TTC7B: variants seen among roughly 807,000 people sequenced by gnomAD.
TTC7B encodes tetratricopeptide repeat domain 7B.
TTC7B carries 28 observed loss-of-function variants against 106.8 expected under a neutral mutation model. That is an observed-to-expected ratio of 0.26 (90% CI 0.19 to 0.36). The LOEUF (loss-of-function observed/expected upper bound fraction) is 0.36, where lower values mean the gene tolerates loss of function less well. Among genes scored for constraint, TTC7B ranks in the 10% least tolerant of loss-of-function variants. The pLI is 1.00. For synonymous variants in TTC7B, 405 were observed against 430.6 expected, an observed-to-expected ratio of 0.94 and a Z score of 0.74; for missense variants, 862 against 1,076.4, an observed-to-expected ratio of 0.80 and a Z score of 2.79.
intron 15 of TTC7B, among the ~76,000 whole-genome samples, chr14:90,639,210 A>G (rs1373157720): frequency 6.6e-6 from 1 of 152,244 alleles, no homozygotes; most frequent in Non-Finnish European, 1.5e-5. Context: ...ACTTTCTATT[A>G]CTTTAAAATT....
rs953814674 is a variant in TTC7B at position 90,527,791 on chromosome 14, C to T, written c.*13577G>A. 2.0e-5 allele frequency: 3 copies of T among 151,810 alleles called. No homozygotes were observed. Among genetic ancestry groups the T allele is most frequent in the Non-Finnish European group, 2.9e-5 (2 of 67,972 alleles). 9.4% of individuals were successfully genotyped at this position (151,810 alleles called of 1,614,324 possible). ...AGCCAGGATGGTCTTGATCTCCTGA[C>T]CTCATGATCCACCCACCTCAGCCTC... On this transcript the variant is annotated 3_prime_UTR_variant, in exon 20 of 20. Transcript: ENST00000328459.
intron 19 of TTC7B, among the ~76,000 whole-genome samples, chr14:90,550,281 C>T (rs1698606996): frequency 5.9e-5 from 9 of 152,164 alleles, no homozygotes. Context: ...GTCTTCCTGC[C>T]CCTGCCTCAT....
chr14:90,651,500 G>A (rs997281817), intron 13 of TTC7B, among the ~76,000 whole-genome samples: 1 of 152,252 alleles, frequency 6.6e-6, no homozygotes, highest in Admixed American at 6.5e-5. Flanking sequence ...TAGAGAGCCA[G>A]TAAGATGTGC....
chr14:90,660,754 T>G (rs748379635), intron 9 of TTC7B, among the ~76,000 whole-genome samples: 4 of 152,202 alleles, frequency 2.6e-5, no homozygotes, highest in Admixed American at 2.6e-4. Context: ...TTTTAAATGA[T>G]ATATACAGAG....
chr14:90,780,763 C>T lies in TTC7B; in HGVS notation c.420G>A (p.Val140=). The change falls in exon 3 of 20, where the codon GTG becomes GTA. Residue 140 remains valine, a synonymous_variant. Coordinates refer to ENST00000328459, the MANE Select transcript of TTC7B (RefSeq NM_001010854.2). The part of the protein sequence containing the change: ...LTAVPPYRLR[V]IAEAYATKGL... ...CTTTGGTAGCGTAGGCTTCTGCGAT[C>T]ACCCGCAGCCTGTAGGGCGGGACAG... is the stretch of plus-strand genomic sequence containing the variant. The T allele has an allele frequency of 6.2e-7, 1 of 1,614,216 alleles. No homozygotes were observed. Among genetic ancestry groups the T allele is most frequent in the South Asian group, 1.1e-5 (1 of 91,080 alleles).
chr14:90,720,103 A>T (rs1054515790), intron 5 of TTC7B, among the ~76,000 whole-genome samples: 1 of 151,530 alleles, frequency 6.6e-6, no homozygotes, highest in African/African-American at 2.4e-5. Flanking sequence ...TCTTCTTCCA[A>T]TGTGGCCCAG....
At chr14:90,734,018 T>C (rs1889424828) in intron 4 of TTC7B, among the ~76,000 whole-genome samples, 1 of 152,244 alleles carries the variant, frequency 6.6e-6, no homozygotes, top group African/African-American at 2.4e-5. Flanking sequence ...GGAGCTATAT[T>C]AAAGAGTTAC....
chr14:90,594,432 G>T (rs1413273912), intron 17 of TTC7B, among the ~76,000 whole-genome samples: 1 of 152,146 alleles, frequency 6.6e-6, no homozygotes, highest in Non-Finnish European at 1.5e-5. Flanking sequence ...CCTCTCGGAG[G>T]ATCGGAGACC....
chr14:90,634,163 C>T (rs1291129055), intron 15 of TTC7B, among the ~76,000 whole-genome samples: 1 of 152,172 alleles, frequency 6.6e-6, no homozygotes, highest in Non-Finnish European at 1.5e-5. Flanking sequence ...AGGCATGAGC[C>T]ACCGCGCCTG....
At chr14:90,750,660 G>A (rs1890107916) in intron 3 of TTC7B, among the ~76,000 whole-genome samples, 1 of 152,194 alleles carries the variant, frequency 6.6e-6, no homozygotes, top group Non-Finnish European at 1.5e-5. Flanking sequence ...CAGGTATGTG[G>A]ACACTCAAAG....
rs1417086189 is a variant in TTC7B, at chr14:90,528,220, C to A, written c.*13148G>T. ...TGGCTAAACAGCAGCACCAGCTCCT[C>A]CTTCTGTCCAGCCGGACAGAGAGCC... On this transcript the variant is annotated 3_prime_UTR_variant, in exon 20 of 20. Coordinates refer to ENST00000328459, the MANE Select transcript of TTC7B (RefSeq NM_001010854.2). 6.6e-6 allele frequency: 1 copy of A among 152,204 alleles called. No individual in the cohort carries two copies. Among genetic ancestry groups the A allele is most frequent in the Non-Finnish European group, 1.5e-5 (1 of 68,062 alleles). The allele number at this position is 152,204 out of a possible 1,614,324, so 9.4% of individuals were successfully genotyped here.
chr14:90,631,469 C>T (rs1178287936), intron 15 of TTC7B, among the ~76,000 whole-genome samples: 1 of 150,060 alleles, frequency 6.7e-6, no homozygotes, highest in Non-Finnish European at 1.5e-5. Context: ...AGTACAGTGG[C>T]ATGGTCTCAA....
chr14:90,603,323 C>T (rs764627833), intron 17 of TTC7B: 5 of 1,281,976 alleles, frequency 3.9e-6, no homozygotes, highest in South Asian at 3.8e-5. Flanking sequence ...ACAGATCAAA[C>T]CAAAAATTAA....
At position 90,635,716 on chromosome 14, in the gene TTC7B, C is replaced by T. The variant is rs185822930; in HGVS notation, c.1751+8332G>A. Among the ~76,000 whole-genome samples the T allele has an allele frequency of 5.3e-3, 762 of 142,940 alleles. 3 individuals carry two copies. The highest frequency in any genetic ancestry group is 7.9e-3 in the African/African-American group (302 of 38,342). The allele number at this position is 142,940 out of a possible 152,430, so 93.8% of individuals were successfully genotyped here. A position where few individuals can be genotyped will look rare whatever the true frequency, so the allele number is the denominator to read the frequency against. The stretch of plus-strand genomic sequence containing the variant: ...CAGAGCTTTCAGTGAGCCGAGATTG[C>T]GCCACTGCACTCCAGCCTGGGCGAC... On this transcript the variant is annotated intron_variant, in intron 15 of 19. Coordinates refer to ENST00000328459, the MANE Select transcript of TTC7B (RefSeq NM_001010854.2).
intron 8 of TTC7B, among the ~76,000 whole-genome samples, chr14:90,677,578 G>C (rs1429186477): frequency 6.6e-6 from 1 of 152,136 alleles, no homozygotes; most frequent in Non-Finnish European, 1.5e-5. Flanking sequence ...TTTTCCCTCT[G>C]CTAATTAACA....
intron 12 of TTC7B, among the ~76,000 whole-genome samples, chr14:90,653,479 T>C (rs1398894577): frequency 6.6e-6 from 1 of 152,162 alleles, no homozygotes; most frequent in Non-Finnish European, 1.5e-5. Context: ...ACACTGATCA[T>C]GGAAAATGAG....
Position 90,816,180 on chromosome 14 carries a change from G to T in TTC7B, c.116C>A (p.Ala39Asp). The T allele has an allele frequency of 8.0e-7, 1 of 1,248,384 alleles. No homozygotes were observed. The allele number at this position is 1,248,384 out of a possible 1,614,324, so 77.3% of individuals were successfully genotyped here. The part of the protein sequence containing the change: ...LVKQLSAKLI[A>D]NDDMAELLLG... ...CCGGCGCGCCCGGAGCGTACCGTTG[G>T]CGATGAGCTTGGCCGACAGCTGCTT... Residue 39 changes from alanine to aspartate, a missense_variant, in exon 1 of 20, where the codon GCC (alanine) becomes GAC (aspartate). Transcript: ENST00000328459.
intron 1 of TTC7B, 118 bp downstream of exon 1, chr14:90,816,057 T>G: frequency 1.0e-6 from 1 of 967,304 alleles, no homozygotes. Flanking sequence ...GGGCCGCAGC[T>G]CCCTCGCGGC....
chr14:90,787,979 G>A (rs887188234), intron 1 of TTC7B, among the ~76,000 whole-genome samples: 3 of 152,102 alleles, frequency 2.0e-5, no homozygotes, highest in African/African-American at 7.2e-5. Context: ...CCTGGCCAAT[G>A]TGGTGAAACC....
Sources: gnomAD v4.1 joint callset for allele counts (sites outside exome capture counted in the v4.1 genomes callset) on GRCh38, gnomAD v4.1.1 for gene constraint, MANE v1.5 for transcripts, NCBI Gene and HGNC (gene_info 2026-07-23, HGNC 2026-07-21) for gene names.